PRH1: variants seen among roughly 807,000 people sequenced by gnomAD.
PRH1 encodes the protein proline rich protein HaeIII subfamily 1.
Under a neutral mutation model 7.9 loss-of-function variants are expected in PRH1, and 7 were observed. That is an observed-to-expected ratio of 0.89 (90% CI 0.50 to 1.67). PRH1 has a LOEUF of 1.67. Among genes scored for constraint, PRH1 ranks in the 40% most tolerant of loss-of-function variants. The pLI, the probability that PRH1 is intolerant of heterozygous loss-of-function variation, is 0.00. For synonymous variants in PRH1, 45 were observed against 80.8 expected (o/e 0.56, Z 2.38); for missense variants, 109 against 223.6 (o/e 0.49, Z 3.27).
chr12:10,920,013 T>G (rs1950024548), intron 2 of PRH1, among the ~76,000 whole-genome samples: 1 of 151,734 alleles, frequency 6.6e-6, no homozygotes, highest in South Asian at 2.1e-4. Context: ...AATCCTCCTG[T>G]TTGATTCTCT....
intron 1 of PRH1, among the ~76,000 whole-genome samples, chr12:11,037,641 T>C (rs749687976): frequency 1.2e-4 from 18 of 152,236 alleles, no homozygotes; most frequent in Non-Finnish European, 2.4e-4. Context: ...ATAAAAAGTG[T>C]CTATCAATAA....
intron 1 of PRH1, among the ~76,000 whole-genome samples, chr12:10,883,702 A>C (rs571028906): frequency 6.6e-6 from 1 of 152,206 alleles, no homozygotes; most frequent in Non-Finnish European, 1.5e-5. Flanking sequence ...CTCTAACTCT[A>C]TGTAGACAGA....
At chr12:11,067,852 G>A (rs1943893210) in intron 1 of PRH1, among the ~76,000 whole-genome samples, 1 of 152,158 alleles carries the variant, frequency 6.6e-6, no homozygotes, top group African/African-American at 2.4e-5. Flanking sequence ...AACAGAGAGA[G>A]ACCCTGTCTC....
intron 1 of PRH1, among the ~76,000 whole-genome samples, chr12:11,003,974 C>A (rs1344077048): frequency 6.6e-6 from 1 of 152,060 alleles, no homozygotes; most frequent in Non-Finnish European, 1.5e-5. Flanking sequence ...GACTTCTCAA[C>A]TTTAGCTATT....
intron 1 of PRH1, among the ~76,000 whole-genome samples, chr12:11,055,871 T>TATGGAG (rs1352538021): frequency 7.1e-5 from 9 of 126,958 alleles, no homozygotes; most frequent in East Asian, 5.5e-4. Context: ...GTGCCAGATT[T>TATGGAG]AGTGAGTCCT....
intron 1 of PRH1, among the ~76,000 whole-genome samples, chr12:11,123,665 T>C (rs1945995401): frequency 1.3e-5 from 2 of 152,146 alleles, no homozygotes; most frequent in African/African-American, 2.4e-5. Flanking sequence ...TCCAGAAGTA[T>C]GTTACATATT....
At chr12:11,158,388 A>G (rs1317384726) in intron 1 of PRH1, among the ~76,000 whole-genome samples, 1 of 143,164 alleles carries the variant, frequency 7.0e-6, no homozygotes, top group Non-Finnish European at 1.6e-5. Flanking sequence ...TTAACATTTT[A>G]TAATTTTTTC....
intron 1 of PRH1, among the ~76,000 whole-genome samples, chr12:10,993,501 A>G (rs1940045751): frequency 6.6e-6 from 1 of 152,190 alleles, no homozygotes; most frequent in African/African-American, 2.4e-5. Flanking sequence ...GACCTATAAC[A>G]TAGATGATGA....
intron 2 of PRH1, among the ~76,000 whole-genome samples, chr12:10,903,856 C>A (rs1270942230): frequency 7.1e-6 from 1 of 140,224 alleles, no homozygotes; most frequent in African/African-American, 2.6e-5. Context: ...TCACAAAAAT[C>A]AGTAGCATTT....
intron 1 of PRH1, among the ~76,000 whole-genome samples, chr12:11,158,527 C>A (rs373146833): frequency 6.6e-6 from 1 of 151,680 alleles, no homozygotes. Flanking sequence ...AAATGTTTAT[C>A]TTTTTCTCCA....
intron 1 of PRH1, among the ~76,000 whole-genome samples, chr12:11,126,531 A>G (rs1946136131): frequency 2.0e-5 from 3 of 152,220 alleles, no homozygotes; most frequent in Admixed American, 2.0e-4. Context: ...TCACCCATGG[A>G]CATTTGACAG....
chr12:11,075,600 C>A lies in PRH1; in HGVS notation n.124-28412G>T, dbSNP rs1363644987. On this transcript the variant is annotated intron_variant and non_coding_transcript_variant, in intron 1 of 4. Transcript: ENST00000541977. Reference sequence around the variant, plus strand: ...TGGCCCTGTGCAAATATACCAGAATCCTTTATATGCTTTTCAAAAAGTATT... The same window carrying A: ...TGGCCCTGTGCAAATATACCAGAATACTTTATATGCTTTTCAAAAAGTATT... Among the ~76,000 whole-genome samples, 2 of 114,702 alleles carry A rather than the reference C, an allele frequency of 1.7e-5. 1 individual carries two copies. The highest frequency in any genetic ancestry group is 5.8e-5 in the African/African-American group (2 of 34,202). The allele number at this position is 114,702 out of a possible 152,430, so 75.2% of individuals were successfully genotyped here.
intron 1 of PRH1, among the ~76,000 whole-genome samples, chr12:11,003,551 TA>T (rs1157139285): frequency 2.0e-5 from 3 of 151,980 alleles, no homozygotes; most frequent in Non-Finnish European, 2.9e-5. Context: ...ACCAATGTAA[TA>T]AATTATAAGA....
At chr12:10,986,374 T>A in intron 1 of PRH1, 1 of 1,614,068 alleles carries the variant, frequency 6.2e-7, no homozygotes, top group Non-Finnish European at 8.5e-7. Flanking sequence ...ATCTTCCCAG[T>A]CATGTTTCCT....
intron 2 of PRH1, among the ~76,000 whole-genome samples, chr12:10,927,259 C>A (rs181229705): frequency 6.6e-6 from 1 of 152,318 alleles, no homozygotes; most frequent in East Asian, 1.9e-4. Flanking sequence ...ATCTGTCTGG[C>A]ACCCCTCTTT....
At position 10,908,193 on chromosome 12, in the gene PRH1, T is replaced by G. The variant is rs139098991; in HGVS notation, c.-58-23918A>C. The G allele has an allele frequency of 1.0e-5, 5 of 481,900 alleles. No individual in the cohort carries two copies. In the East Asian group the frequency reaches 1.6e-4, roughly 15 times the overall value. The allele number at this position is 481,900 out of a possible 1,614,324, so 29.9% of individuals were successfully genotyped here. A position where few individuals can be genotyped will look rare whatever the true frequency, so the allele number is the denominator to read the frequency against. ...TTTCAAATTCCTAATAATGTAGAAA[T>G]ACATGTCATAAATACATAATATTCT... On this transcript the variant is annotated intron_variant, in intron 2 of 3. Transcript: ENST00000539853.
At chr12:10,885,071 T>C (rs1243466950), upstream of PRH1, among the ~76,000 whole-genome samples, 3 of 152,240 alleles carry the variant, frequency 2.0e-5, no homozygotes, top group Non-Finnish European at 4.4e-5. Flanking sequence ...GACCTCCACT[T>C]TCTCCAGAAT....
chr12:10,993,418 A>C (rs1428096995), intron 1 of PRH1, among the ~76,000 whole-genome samples: 1 of 152,222 alleles, frequency 6.6e-6, no homozygotes, highest in African/African-American at 2.4e-5. Context: ...TGAGTTTCTC[A>C]AATATAGTAA....
chr12:11,096,780 C>G (rs572412322), intron 1 of PRH1, among the ~76,000 whole-genome samples: 1 of 112,826 alleles, frequency 8.9e-6, no homozygotes, highest in South Asian at 2.4e-4. Flanking sequence ...AAATTTTATG[C>G]GGTTTTTGTT....
Sources: allele counts gnomAD v4.1 joint callset (sites outside exome capture counted in the v4.1 genomes callset), GRCh38; gene constraint gnomAD v4.1.1; transcripts MANE v1.5; gene names NCBI Gene and HGNC (gene_info 2026-07-23, HGNC 2026-07-21).